YBX1: variants seen among roughly 807,000 people sequenced by gnomAD.
The protein encoded by YBX1 is Y-box-binding protein 1.
A neutral mutation model predicts 41.4 loss-of-function variants in YBX1; 3 were observed. The ratio of observed to expected loss-of-function variants is 0.07; its 90% CI spans 0.03 to 0.19. YBX1 has a LOEUF of 0.19. Ranked by LOEUF, YBX1 falls within the 10% of genes least tolerant of loss-of-function variation. The pLI, the probability that YBX1 is intolerant of heterozygous loss-of-function variation, is 1.00. For synonymous variants in YBX1, 133 were observed against 165.8 expected, an observed-to-expected ratio of 0.80 and a Z score of 1.52; for missense variants, 274 against 462.8, an observed-to-expected ratio of 0.59 and a Z score of 3.74.
rs980308794 is a variant in YBX1, at chr1:42,700,906, G to A, written c.866G>A (p.Arg289His). Residue 289 changes from arginine (R) to histidine (H), a missense_variant, in exon 7 of 8, where the codon CGC (arginine) becomes CAC (histidine). Arg to His is a conservative substitution (Grantham distance 29). Transcript: ENST00000321358. ...RRYRRNFNYRRRRPENPKPQD... is the reference protein window; with the variant it reads ...RRYRRNFNYRHRRPENPKPQD... ...TACCGCCGCAACTTCAATTACCGACGCAGACGCCCAGAAAACCCTAAACCA... is the reference window on the plus strand; with the variant it reads ...TACCGCCGCAACTTCAATTACCGACACAGACGCCCAGAAAACCCTAAACCA... The A allele has an allele frequency of 1.9e-6, 3 of 1,613,964 alleles. No homozygotes were observed. Among genetic ancestry groups the A allele is most frequent in the African/African-American group, 1.3e-5 (1 of 74,878 alleles).
rs778965770 is a variant in YBX1, at chr1:42,683,386, T to C, written c.167-17T>C. 1 of 1,614,198 alleles carries C rather than the reference T, an allele frequency of 6.2e-7. No homozygotes were observed. Among genetic ancestry groups the C allele is most frequent in the Non-Finnish European group, 8.5e-7 (1 of 1,180,020 alleles). On this transcript the variant is annotated splice_polypyrimidine_tract_variant and intron_variant, in intron 1 of 7. Coordinates refer to ENST00000321358, the MANE Select transcript of YBX1 (RefSeq NM_004559.5). The stretch of plus-strand genomic sequence containing the variant: ...AGCTGGTAATCGTGGCTTGTTTTGC[T>C]TTGTTTTCTTTTCCAGCAACGAAGG...
chr1:42,686,677 G>GGT (rs1251091860), intron 2 of YBX1, among the ~76,000 whole-genome samples: 2 of 152,188 alleles, frequency 1.3e-5, no homozygotes, highest in Non-Finnish European at 2.9e-5. Context: ...ATAACTGATA[G>GGT]GTGACTTCCA....
At chr1:42,684,751 G>C (rs1001219925) in intron 2 of YBX1, among the ~76,000 whole-genome samples, 9 of 152,206 alleles carry the variant, frequency 5.9e-5, no homozygotes, top group Non-Finnish European at 1.0e-4. Context: ...TTACTAGCAA[G>C]AAGGAAGGGA....
Position 42,700,851 on chromosome 1 carries a change from A to AC in YBX1, c.814dup (p.Gln272ProfsTer25). ...AGATAAAGAAAATCAAGGAGATGAG[A>AC]CCCAAGGTCAGCAGCCACCTCAACG... On this transcript the variant is annotated frameshift_variant, in exon 7 of 8. Transcript: ENST00000321358. LOFTEE classifies it high-confidence loss of function. 1 of 1,613,480 alleles carries AC rather than the reference A, an allele frequency of 6.2e-7. No homozygotes were observed. Among genetic ancestry groups the AC allele is most frequent in the Non-Finnish European group, 8.5e-7 (1 of 1,179,876 alleles).
chr1:42,699,386 C>T (rs1456385334), intron 6 of YBX1, among the ~76,000 whole-genome samples: 1 of 152,124 alleles, frequency 6.6e-6, no homozygotes, highest in Non-Finnish European at 1.5e-5. Flanking sequence ...GGATAACGAT[C>T]ATAAATTAGA....
intron 6 of YBX1, 93 bp from the exon 7 acceptor site, chr1:42,700,688 T>C (rs2148743101): frequency 3.9e-6 from 4 of 1,036,072 alleles, no homozygotes; most frequent in Admixed American, 2.8e-5. Flanking sequence ...GGGCCAGACA[T>C]GGTGAGTTAG....
rs1409550714 is a variant in YBX1 at position 42,682,866 on chromosome 1, G to T, written c.166+135G>T. The T allele has an allele frequency of 3.5e-5, 11 of 315,694 alleles. No homozygotes were observed. The East Asian group carries it at 5.5e-4, about 16-fold the overall frequency. 19.6% of individuals were successfully genotyped at this position (315,694 alleles called of 1,614,324 possible). Reference sequence around the variant, plus strand: ...CGGCGCGCGGCCGCCCATCCCCCCCGTCCCCCCCTCACTCCCTCTCGCGGG... The same window carrying T: ...CGGCGCGCGGCCGCCCATCCCCCCCTTCCCCCCCTCACTCCCTCTCGCGGG... On this transcript the variant is annotated intron_variant, in intron 1 of 7. Transcript: ENST00000321358.
intron 6 of YBX1, among the ~76,000 whole-genome samples, chr1:42,697,494 G>C (rs1650490403): frequency 6.6e-6 from 1 of 152,120 alleles, no homozygotes; most frequent in Non-Finnish European, 1.5e-5. Flanking sequence ...TTCTGTCCTT[G>C]AACAGGTAAG....
At chr1:42,685,581 G>A (rs1015030591) in intron 2 of YBX1, among the ~76,000 whole-genome samples, 7 of 152,136 alleles carry the variant, frequency 4.6e-5, no homozygotes, top group African/African-American at 1.7e-4. Flanking sequence ...AATAGACTTG[G>A]CTGGAGGCAC....
chr1:42,692,904 CT>C (rs1650374118), intron 2 of YBX1, among the ~76,000 whole-genome samples: 1 of 152,242 alleles, frequency 6.6e-6, no homozygotes, highest in Non-Finnish European at 1.5e-5. Context: ...GCTCCGTGGT[CT>C]AAACCTTCAT....
At chr1:42,698,094 G>A (rs1350297940) in intron 6 of YBX1, among the ~76,000 whole-genome samples, 1 of 152,186 alleles carries the variant, frequency 6.6e-6, no homozygotes, top group Non-Finnish European at 1.5e-5. Context: ...TAAGTGTCAA[G>A]TTTATTATTC....
chr1:42,701,431 A>G (rs903880600), intron 7 of YBX1, among the ~76,000 whole-genome samples: 37 of 152,176 alleles, frequency 2.4e-4, no homozygotes, highest in Admixed American at 2.2e-3. Flanking sequence ...TCAAAAAGGA[A>G]GTGGGGATAG....
intron 2 of YBX1, among the ~76,000 whole-genome samples, chr1:42,690,342 A>C (rs1033858083): frequency 2.6e-5 from 4 of 151,662 alleles, no homozygotes; most frequent in African/African-American, 9.7e-5. Context: ...CCATTTTCTT[A>C]ACAATAGAAA....
At chr1:42,683,235 T>A (rs1342185595) in intron 1 of YBX1, 168 bp from the exon 2 acceptor site, 8 of 780,988 alleles carry the variant, frequency 1.0e-5, no homozygotes, top group South Asian at 8.7e-5. Flanking sequence ...CTCACCCACG[T>A]GTGCGGCGGC....
rs1239416193 is a variant in YBX1 at position 42,696,507 on chromosome 1, T to A, written c.355-135T>A. The A allele has an allele frequency of 1.1e-6, 1 of 911,642 alleles. No homozygotes were observed. 56.5% of individuals were successfully genotyped at this position (911,642 alleles called of 1,614,324 possible). A position where few individuals can be genotyped will look rare whatever the true frequency, so the allele number is the denominator to read the frequency against. Reference sequence around the variant, plus strand: ...TTTCTGTGCACCCCTGGTCACGCAGTTGCGCCCCCCCCCCCTTTTTTTTCC... The same window carrying A: ...TTTCTGTGCACCCCTGGTCACGCAGATGCGCCCCCCCCCCCTTTTTTTTCC... On this transcript the variant is annotated intron_variant, in intron 4 of 7. Transcript: ENST00000321358. This position sits in a 1 kb window ranked among gnomAD's most constrained non-coding sequence, Gnocchi z 5.7.
rs992096153 is a variant in YBX1 at position 42,696,510 on chromosome 1, C to T, written c.355-132C>T. ...CTGTGCACCCCTGGTCACGCAGTTG[C>T]GCCCCCCCCCCCTTTTTTTTCCTTA... On this transcript the variant is annotated intron_variant, in intron 4 of 7. Transcript: ENST00000321358. This position sits in a 1 kb window ranked among gnomAD's most constrained non-coding sequence, Gnocchi z 5.7. 2.0e-5 allele frequency: 15 copies of T among 741,346 alleles called. No homozygotes were observed. In the South Asian group the frequency reaches 2.5e-4, roughly 12 times the overall value. The allele number at this position is 741,346 out of a possible 1,614,324, so 45.9% of individuals were successfully genotyped here. A position where few individuals can be genotyped will look rare whatever the true frequency, so the allele number is the denominator to read the frequency against.
At chr1:42,701,073 T>G in intron 7 of YBX1, 27 bp downstream of exon 7, 2 of 1,568,042 alleles carry the variant, frequency 1.3e-6, no homozygotes, top group South Asian at 1.1e-5. Context: ...GGCCATCCAT[T>G]TATGGCAGTC....
intron 6 of YBX1, among the ~76,000 whole-genome samples, chr1:42,698,580 A>G (rs1408437655): frequency 6.6e-6 from 1 of 152,132 alleles, no homozygotes; most frequent in Admixed American, 6.6e-5. Flanking sequence ...AGTTTCATTG[A>G]TGTCCTTAAA....
At chr1:42,701,189 T>C (rs1469878229) in intron 7 of YBX1, 143 bp downstream of exon 7, 8 of 662,520 alleles carry the variant, frequency 1.2e-5, no homozygotes, top group African/African-American at 1.8e-5. Context: ...CTATTCTTAA[T>C]TACCTAATAT....
Sources: allele counts gnomAD v4.1 joint callset (sites outside exome capture counted in the v4.1 genomes callset), GRCh38; gene constraint gnomAD v4.1.1; non-coding constraint Gnocchi (gnomAD v3.1); transcripts MANE v1.5; gene names NCBI Gene and HGNC (gene_info 2026-07-23, HGNC 2026-07-21).